The following PLA2G4F variants were observed in gnomAD, a reference collection of about 807,000 sequenced individuals.
PLA2G4F encodes the protein phospholipase A2 group IVF, also known as cytosolic phospholipase A2 zeta.
PLA2G4F carries 105 observed loss-of-function variants against 103.1 expected under a neutral mutation model. That is an observed-to-expected ratio of 1.02 (90% CI 0.87 to 1.20). PLA2G4F has a LOEUF of 1.20. Among genes scored for constraint, PLA2G4F ranks in the 50% most tolerant of loss-of-function variants. The pLI, the probability that PLA2G4F is intolerant of heterozygous loss-of-function variation, is 0.00. For missense variants in PLA2G4F, 1,155 were observed against 1,075.9 expected (o/e 1.07, Z -1.03); for synonymous variants, 468 against 441.1 (o/e 1.06, Z -0.76).
intron 13 of PLA2G4F, among the ~76,000 whole-genome samples, 192 bp from the exon 14 acceptor site, chr15:42,146,433 C>T (rs2048885968): frequency 6.6e-6 from 1 of 152,224 alleles, no homozygotes; most frequent in African/African-American, 2.4e-5. Context: ...CACAGTGGGT[C>T]TGTACAATTC....
rs761679358 is a variant in PLA2G4F at position 42,142,215 on chromosome 15, G to A, written c.2330-11C>T. The A allele has an allele frequency of 6.2e-7, 1 of 1,602,310 alleles. No homozygotes were observed. The highest frequency in any genetic ancestry group is 8.5e-7 in the Non-Finnish European group (1 of 1,173,026). ...TTTGTCGCTCCACACCTGTGGGTGG[G>A]GGAAGCAGAGGAGAGGCCAGGATGG... is the stretch of plus-strand genomic sequence containing the variant. On this transcript the variant is annotated splice_polypyrimidine_tract_variant and intron_variant, in intron 19 of 19. Coordinates refer to ENST00000397272, the MANE Select transcript of PLA2G4F (RefSeq NM_213600.4).
Position 42,153,697 on chromosome 15 carries a change from G to A in PLA2G4F, c.451-37C>T, listed in dbSNP as rs749030435. 2.2e-5 allele frequency: 35 copies of A among 1,611,650 alleles called. No individual in the cohort carries two copies. The South Asian group carries it at 3.7e-4, about 17-fold the overall frequency. ...GGGAGGGAGCACCAATTTTTTCAAG[G>A]CTCCAAAAGCCTCCAGAGCTGTTCC... is the stretch of plus-strand genomic sequence containing the variant. On this transcript the variant is annotated intron_variant, in intron 4 of 19. Coordinates refer to ENST00000397272, the MANE Select transcript of PLA2G4F (RefSeq NM_213600.4).
intron 5 of PLA2G4F, 39 bp downstream of exon 5, chr15:42,153,579 ATC>A: frequency 6.2e-7 from 1 of 1,612,424 alleles, no homozygotes; most frequent in Middle Eastern, 1.7e-4. Flanking sequence ...CCTGACTCAA[ATC>A]TCTGAGTCTC....
Position 42,139,825 on chromosome 15 carries a change from T to C in PLA2G4F, c.*2159A>G, listed in dbSNP as rs2048813713. ...TGCCCCCTGCCCCCTGCCCTTGATC[T>C]TGTCCCAGTCTCCTCCCAAACCTTA... On this transcript the variant is annotated 3_prime_UTR_variant, in exon 20 of 20. Transcript: ENST00000397272. 1.3e-5 allele frequency: 2 copies of C among 152,802 alleles called. No individual in the cohort carries two copies. The highest frequency in any genetic ancestry group is 1.9e-4 in the East Asian group (1 of 5,176). 9.5% of individuals were successfully genotyped at this position (152,802 alleles called of 1,614,324 possible).
chr15:42,154,321 C>T lies in PLA2G4F; in HGVS notation c.321+1G>A. 6.2e-7 allele frequency: 1 copy of T among 1,608,702 alleles called. No homozygotes were observed. The highest frequency in any genetic ancestry group is 8.5e-7 in the Non-Finnish European group (1 of 1,176,268). On this transcript the variant is annotated splice_donor_variant, in intron 3 of 19. Transcript: ENST00000397272. LOFTEE classifies it high-confidence loss of function. ...CAGCCTGGCCCCTGGCTGGCCCTCA[C>T]CTTCACAGCACCATGGATCTGGTAG... is the stretch of plus-strand genomic sequence containing the variant.
rs1333578403 is a variant in PLA2G4F, at chr15:42,141,245, A to G, written c.*739T>C. 1 of 456,698 alleles carries G rather than the reference A, an allele frequency of 2.2e-6. No individual in the cohort carries two copies. The highest frequency in any genetic ancestry group is 7.0e-5 in the East Asian group (1 of 14,362). 28.3% of individuals were successfully genotyped at this position (456,698 alleles called of 1,614,324 possible). On this transcript the variant is annotated 3_prime_UTR_variant, in exon 20 of 20. Coordinates refer to ENST00000397272, the MANE Select transcript of PLA2G4F (RefSeq NM_213600.4). ...ACTATATTTGCATGATGTGGCCACT[A>G]CACACATCACCAGAGACTGTGGTCC...
At chr15:42,142,810 G>A in intron 18 of PLA2G4F, 96 bp from the exon 19 acceptor site, 4 of 1,278,834 alleles carry the variant, frequency 3.1e-6, no homozygotes, top group Non-Finnish European at 4.4e-6. Context: ...TGCCAGCTCT[G>A]TTTCTGACTA....
At chr15:42,147,844 T>TA in intron 11 of PLA2G4F, 82 bp from the exon 12 acceptor site, 1 of 1,553,740 alleles carries the variant, frequency 6.4e-7, no homozygotes. Flanking sequence ...AGGACATTAT[T>TA]CTAAGAGTCT....
intron 19 of PLA2G4F, 138 bp downstream of exon 19, chr15:42,142,390 C>T: frequency 8.3e-7 from 1 of 1,204,472 alleles, no homozygotes. Context: ...ACCCAGGGAG[C>T]AGAGGGCCAC....
rs190581869 is a variant in PLA2G4F, at chr15:42,152,700, G to C, written c.589C>G (p.Arg197Gly). The C allele has an allele frequency of 1.0e-5, 16 of 1,556,632 alleles. No individual in the cohort carries two copies. The highest frequency in any genetic ancestry group is 1.4e-5 in the Non-Finnish European group (16 of 1,149,520). The change falls in exon 7 of 20, where the codon CGG becomes GGG. Residue 197 changes from arginine (R) to glycine (G), a missense_variant. Transcript: ENST00000397272. ...GTLRGDGTAP[R>G]EEYGSRQLQL... ...TGAGCAGACTCACCGTACTCTTCCC[G>C]TGGGGCTGTCCCATCTCCCCGGAGC...
intron 1 of PLA2G4F, among the ~76,000 whole-genome samples, chr15:42,156,075 C>T (rs1479511720): frequency 6.6e-6 from 1 of 152,086 alleles, no homozygotes; most frequent in African/African-American, 2.4e-5. Context: ...ACCGGTCTGA[C>T]GAGTCACCGA....
chr15:42,153,373 C>T (rs778864919), intron 5 of PLA2G4F, 31 bp from the exon 6 acceptor site: 4 of 1,606,094 alleles, frequency 2.5e-6, no homozygotes, highest in Non-Finnish European at 3.4e-6. Flanking sequence ...ATGGAGAATA[C>T]ATCTGGCCCC....
intron 4 of PLA2G4F, 21 bp downstream of exon 4, chr15:42,154,071 C>A (rs372713238): frequency 2.5e-5 from 40 of 1,613,772 alleles, no homozygotes; most frequent in Non-Finnish European, 3.3e-5. Context: ...CTGGGCTCTC[C>A]GCCAGCACTG....
In PLA2G4F at chr15:42,142,141, G is replaced by GT. The variant is rs1282569633; in HGVS notation, c.2392dup (p.Thr798AsnfsTer11). On this transcript the variant is annotated frameshift_variant, in exon 20 of 20. Transcript: ENST00000397272. LOFTEE classifies it low-confidence loss of function (END_TRUNC). ...GGTGAAGTTCATCATGCCATAGGGGGTGTCTGGCCTGTTGATGACAAAGTC... is the reference window on the plus strand; with the variant it reads ...GGTGAAGTTCATCATGCCATAGGGGGTTGTCTGGCCTGTTGATGACAAAGTC... 8 of 1,614,088 alleles carry GT rather than the reference G, an allele frequency of 5.0e-6. No homozygotes were observed. Among genetic ancestry groups the GT allele is most frequent in the Non-Finnish European group, 5.9e-6 (7 of 1,180,030 alleles).
chr15:42,142,310 C>T (rs574490524), intron 19 of PLA2G4F, 106 bp from the exon 20 acceptor site: 71 of 1,202,380 alleles, frequency 5.9e-5, no homozygotes, highest in African/African-American at 2.0e-4. Context: ...TGGCTCCCTG[C>T]GGGCCCTGCT....
intron 7 of PLA2G4F, chr15:42,151,209 C>T (rs1224697895): frequency 5.1e-6 from 5 of 985,300 alleles, no homozygotes; most frequent in Admixed American, 6.1e-5. Flanking sequence ...CAGTAGGCTG[C>T]AAGTTGTTCT....
Position 42,144,159 on chromosome 15 carries a change from T to C in PLA2G4F, c.1976-15A>G. On this transcript the variant is annotated splice_polypyrimidine_tract_variant and intron_variant, in intron 17 of 19. Transcript: ENST00000397272. ...CGGGTGTGTGTCTGCAAGGAACCCATGTGTACGCACAGGGACGAATGCAGT... is the reference window on the plus strand; with the variant it reads ...CGGGTGTGTGTCTGCAAGGAACCCACGTGTACGCACAGGGACGAATGCAGT... The C allele has an allele frequency of 1.3e-6, 2 of 1,598,286 alleles. No individual in the cohort carries two copies. Among genetic ancestry groups the C allele is most frequent in the Non-Finnish European group, 1.7e-6 (2 of 1,172,902 alleles).
At chr15:42,148,264 T>C (rs1291147937) in intron 11 of PLA2G4F, among the ~76,000 whole-genome samples, 2 of 151,636 alleles carry the variant, frequency 1.3e-5, no homozygotes, top group Non-Finnish European at 2.9e-5. Flanking sequence ...GTGCCCAAGA[T>C]CATACAGTTA....
chr15:42,149,291 AG>A lies in PLA2G4F; in HGVS notation c.1059+421del. ...TTCAACTGATAGGACTGGGGTCCTT[AG>A]AAGAGGAGGAGGAGACCCCAAGGCG... On this transcript the variant is annotated intron_variant, in intron 11 of 19. Coordinates refer to ENST00000397272, the MANE Select transcript of PLA2G4F (RefSeq NM_213600.4). The A allele has an allele frequency of 6.2e-6, 4 of 641,258 alleles. No individual in the cohort carries two copies. The South Asian group carries it at 2.8e-4, about 45-fold the overall frequency. The allele number at this position is 641,258 out of a possible 1,614,324, so 39.7% of individuals were successfully genotyped here. A position where few individuals can be genotyped will look rare whatever the true frequency, so the allele number is the denominator to read the frequency against.
Sources: allele counts gnomAD v4.1 joint callset (sites outside exome capture counted in the v4.1 genomes callset), GRCh38; gene constraint gnomAD v4.1.1; transcripts MANE v1.5; gene names NCBI Gene and HGNC (gene_info 2026-07-23, HGNC 2026-07-21).